IAH1: variants seen among roughly 807,000 people sequenced by gnomAD.
The protein encoded by IAH1 is isoamyl acetate hydrolyzing esterase 1 (putative).
In IAH1, 24 loss-of-function variants were observed where a neutral mutation model predicts 26.7. The observed-to-expected ratio is 0.90, with a 90% CI of 0.65 to 1.26. The LOEUF (loss-of-function observed/expected upper bound fraction) is 1.26. Among genes scored for constraint, IAH1 ranks in the 50% most tolerant of loss-of-function variants. IAH1 has a pLI of 0.00. For synonymous variants in IAH1, 140 were observed against 118.5 expected (o/e 1.18, Z -1.18); for missense variants, 300 against 299.9 (o/e 1.00, Z 0.00).
At chr2:9,479,001 G>A (rs1247962741) in intron 3 of IAH1, among the ~76,000 whole-genome samples, 2 of 152,164 alleles carry the variant, frequency 1.3e-5, no homozygotes, top group African/African-American at 4.8e-5. Context: ...TACCCTACTT[G>A]TGTCACAGAA....
downstream of IAH1, chr2:9,491,303 T>C (rs1558490942): frequency 3.1e-6 from 2 of 641,634 alleles, no homozygotes; most frequent in Admixed American, 3.0e-5. Context: ...AATCCATTTC[T>C]CACCCAAGCT....
At chr2:9,503,656 T>C in the IAH1 span, among the ~76,000 whole-genome samples, 2 of 151,864 alleles carry the variant, frequency 1.3e-5, no homozygotes, top group African/African-American at 4.8e-5. Flanking sequence ...CTGGCCAACA[T>C]GGTGAAACCC....
chr2:9,479,772 T>C (rs949175020), intron 3 of IAH1, among the ~76,000 whole-genome samples: 2 of 145,438 alleles, frequency 1.4e-5, no homozygotes, highest in South Asian at 4.5e-4. Context: ...GCCAGATGTG[T>C]GTGCGGAGAT....
intron 4 of IAH1, 49 bp downstream of exon 4, chr2:9,481,496 G>T: frequency 6.3e-7 from 1 of 1,588,440 alleles, no homozygotes. Flanking sequence ...GAATGCTGAG[G>T]GAGGAACTCT....
the IAH1 span, among the ~76,000 whole-genome samples, chr2:9,507,697 A>G: frequency 6.6e-6 from 1 of 151,758 alleles, no homozygotes; most frequent in African/African-American, 2.4e-5. Flanking sequence ...CCCAGGCCCC[A>G]TTCTCATTAG....
rs1330861493 is a variant in IAH1, at chr2:9,494,799, T to A, written c.*161T>A. Reference sequence around the variant, plus strand: ...CAGAGAACACGCATTGACAGCTGGATTGTTCTGAGACCTGCCTCTCCTCCT... The same window carrying A: ...CAGAGAACACGCATTGACAGCTGGAATGTTCTGAGACCTGCCTCTCCTCCT... On this transcript the variant is annotated 3_prime_UTR_variant, in exon 6 of 7. Coordinates refer to the IAH1 transcript ENST00000481367. 5.0e-6 allele frequency: 8 copies of A among 1,612,096 alleles called. No homozygotes were observed. The South Asian group carries it at 8.8e-5, about 18-fold the overall frequency.
chr2:9,475,019 G>C, intron 1 of IAH1: 1 of 1,101,972 alleles, frequency 9.1e-7, no homozygotes. Context: ...GCGACCGCGC[G>C]CTGTGTCCCA....
the IAH1 span, chr2:9,510,221 CTT>C: frequency 1.7e-5 from 23 of 1,372,800 alleles, no homozygotes; most frequent in Middle Eastern, 1.8e-4. Context: ...TAAATAGAGC[CTT>C]ATAATCAGAT....
chr2:9,479,104 T>C (rs1661001495), intron 3 of IAH1, among the ~76,000 whole-genome samples: 1 of 152,134 alleles, frequency 6.6e-6, no homozygotes, highest in African/African-American at 2.4e-5. Context: ...GAGGAATTCT[T>C]GCTCTCTAGG....
chr2:9,475,489 T>G (rs559641651), intron 1 of IAH1, among the ~76,000 whole-genome samples: 1 of 135,310 alleles, frequency 7.4e-6, no homozygotes, highest in Admixed American at 7.1e-5. Flanking sequence ...TCTGTTTAGC[T>G]TTTTTTTTTT....
rs555016658 is a variant in IAH1 at position 9,474,573 on chromosome 2, C to T, written c.7C>T (p.Leu3=). ...CGCCCCGCCCGGCTGCTCCATGGCG[C>T]TGTGCGAGGCCGCGGGCTGCGGGAG... MA[L]CEAAGCGSAL... The change falls in exon 1 of 6, where the codon CTG becomes TTG. Residue 3 remains leucine (L), a synonymous_variant. Coordinates refer to ENST00000497473, the MANE Select transcript of IAH1 (RefSeq NM_001039613.3). The surrounding 1 kb of genome is among the most constrained non-coding windows in gnomAD (Gnocchi z 4.3). 123 of 1,503,064 alleles carry T rather than the reference C, an allele frequency of 8.2e-5. 1 individual carries two copies. The East Asian group carries it at 1.4e-3, about 17-fold the overall frequency. 93.1% of individuals were successfully genotyped at this position (1,503,064 alleles called of 1,614,324 possible).
At chr2:9,493,357 T>A (rs1279701043), downstream of IAH1, among the ~76,000 whole-genome samples, 1 of 152,228 alleles carries the variant, frequency 6.6e-6, no homozygotes, top group Non-Finnish European at 1.5e-5. Flanking sequence ...TGATATACCC[T>A]GCTTCTGCAA....
exon 6 of IAH1, chr2:9,494,833 T>A: frequency 6.3e-7 from 1 of 1,586,630 alleles, no homozygotes; most frequent in South Asian, 1.1e-5. Context: ...CTGCCTCCTC[T>A]TTCCTCCCTG....
chr2:9,495,226 C>T (rs890839996), intron 6 of IAH1, among the ~76,000 whole-genome samples: 1 of 152,212 alleles, frequency 6.6e-6, no homozygotes, highest in Non-Finnish European at 1.5e-5. Flanking sequence ...GCTCAGTGAC[C>T]CCAGGAGCAT....
At chr2:9,499,832 T>G (rs1260212315), downstream of IAH1, among the ~76,000 whole-genome samples, 1 of 152,236 alleles carries the variant, frequency 6.6e-6, no homozygotes, top group African/African-American at 2.4e-5. Context: ...CTTCATTCAC[T>G]AGGTCCCTGA....
intron 2 of IAH1, 150 bp downstream of exon 2, chr2:9,476,189 A>G (rs1039667070): frequency 1.5e-5 from 10 of 669,114 alleles, no homozygotes; most frequent in Non-Finnish European, 2.6e-5. Context: ...AGGAACAGAA[A>G]ACATTTACTC....
downstream of IAH1, chr2:9,491,010 G>C: frequency 8.5e-7 from 1 of 1,176,530 alleles, no homozygotes; most frequent in Non-Finnish European, 1.2e-6. Context: ...CCATCAGCCA[G>C]TGAAAGCTCT....
rs143505054 is a variant in IAH1 at position 9,479,354 on chromosome 2, A to C, written c.283+984A>C. On this transcript the variant is annotated intron_variant, in intron 3 of 5. Coordinates refer to ENST00000497473, the MANE Select transcript of IAH1 (RefSeq NM_001039613.3). ...GTTTATGAAATAAAATAGGCTGCGA[A>C]AAAACTGAAGAAGAAAATGATGTGT... 2.1e-3 allele frequency among the ~76,000 whole-genome samples: 314 copies of C among 152,378 alleles called. 1 individual carries two copies. Among genetic ancestry groups the C allele is most frequent in the Non-Finnish European group, 3.9e-3 (263 of 68,036 alleles).
At chr2:9,495,966 C>T (rs1419849504) in intron 6 of IAH1, among the ~76,000 whole-genome samples, 2 of 149,220 alleles carry the variant, frequency 1.3e-5, no homozygotes, top group Non-Finnish European at 3.0e-5. Flanking sequence ...TCCCAAAGTG[C>T]TGGGATTATA....
Sources: allele counts gnomAD v4.1 joint callset (sites outside exome capture counted in the v4.1 genomes callset), GRCh38; gene constraint gnomAD v4.1.1; non-coding constraint Gnocchi (gnomAD v3.1); transcripts MANE v1.5; gene names NCBI Gene and HGNC (gene_info 2026-07-23, HGNC 2026-07-21).